AP3D1: variants seen among roughly 807,000 people sequenced by gnomAD.
AP3D1 encodes AP-3 complex subunit delta-1.
Under a neutral mutation model 147.6 loss-of-function variants are expected in AP3D1, and 51 were observed. The observed-to-expected ratio is 0.35, with a 90% CI of 0.28 to 0.44. AP3D1 has a LOEUF of 0.44. Ranked by LOEUF, AP3D1 falls within the 20% of genes least tolerant of loss-of-function variation. AP3D1 has a pLI of 1.00. For synonymous variants in AP3D1, 760 were observed against 663.0 expected, an observed-to-expected ratio of 1.15 and a Z score of -2.25; for missense variants, 1,421 against 1,624.2, an observed-to-expected ratio of 0.87 and a Z score of 2.15.
intron 8 of AP3D1, among the ~76,000 whole-genome samples, chr19:2,127,752 C>G (rs1377317658): frequency 6.6e-6 from 1 of 152,238 alleles, no homozygotes; most frequent in Non-Finnish European, 1.5e-5. Flanking sequence ...GTCTTGAACT[C>G]CTGACCTCAA....
chr19:2,129,268 G>C, intron 7 of AP3D1, 50 bp downstream of exon 7: 1 of 1,613,544 alleles, frequency 6.2e-7, no homozygotes, highest in African/African-American at 1.3e-5. Flanking sequence ...CACAGGGTGA[G>C]GGAATGCCCC....
chr19:2,142,161 G>A (rs567406874), intron 1 of AP3D1, among the ~76,000 whole-genome samples: 19 of 152,022 alleles, frequency 1.2e-4, no homozygotes, highest in African/African-American at 4.6e-4. Flanking sequence ...GGGGTTACAA[G>A]CAGGTACTAC....
In AP3D1 at chr19:2,121,167, C is replaced by T. The variant is rs772939299; in HGVS notation, c.1246G>A (p.Glu416Lys). Residue 416 changes from glutamate to lysine, a missense_variant, in exon 13 of 32, where the codon GAG (glutamate) becomes AAG (lysine). This residue lies in a region of AP3D1 where 310 missense variants were observed against 388.1 expected (regional missense o/e 0.80). Transcript: ENST00000643116. ...ACCCCTGGGAGCGGGACGCACCACT[C>T]GAAGTTGGTGATGTACTGGTAGTTG... ...QSNYQYITNF[E>K]WYISILVELT... 4.8e-5 allele frequency: 77 copies of T among 1,614,018 alleles called. No individual in the cohort carries two copies. Among genetic ancestry groups the T allele is most frequent in the East Asian group, 6.7e-5 (3 of 44,900 alleles).
chr19:2,133,749 G>C (rs1371138533), intron 4 of AP3D1, among the ~76,000 whole-genome samples: 1 of 151,734 alleles, frequency 6.6e-6, no homozygotes, highest in Non-Finnish European at 1.5e-5. Context: ...TGATCCGCCC[G>C]CCATGGCCTC....
chr19:2,117,676 G>C (rs1411126704), intron 15 of AP3D1, among the ~76,000 whole-genome samples: 1 of 152,254 alleles, frequency 6.6e-6, no homozygotes, highest in Non-Finnish European at 1.5e-5. Flanking sequence ...GGCCCCCGCG[G>C]GCTCCCCGCC....
intron 1 of AP3D1, among the ~76,000 whole-genome samples, chr19:2,148,556 G>A (rs1297287233): frequency 1.3e-5 from 2 of 152,194 alleles, no homozygotes; most frequent in African/African-American, 4.8e-5. Flanking sequence ...CAGTGAACTA[G>A]ACAACCTCAG....
intron 9 of AP3D1, among the ~76,000 whole-genome samples, chr19:2,125,462 C>T (rs1331454691): frequency 2.6e-5 from 4 of 152,078 alleles, no homozygotes; most frequent in African/African-American, 7.2e-5. Context: ...ATTACAGGCG[C>T]CCGACACCAA....
chr19:2,154,274 G>GT (rs1253777784), upstream of AP3D1, among the ~76,000 whole-genome samples: 5 of 126,020 alleles, frequency 4.0e-5, no homozygotes, highest in Admixed American at 4.0e-4. Context: ...ATTTATTTAT[G>GT]GTTTTTTTTT....
intron 17 of AP3D1, among the ~76,000 whole-genome samples, 160 bp downstream of exon 17, chr19:2,116,445 T>C (rs1422021987): frequency 6.6e-6 from 1 of 152,148 alleles, no homozygotes; most frequent in Non-Finnish European, 1.5e-5. Flanking sequence ...GAGCACGTAT[T>C]GGGGGAAAAG....
chr19:2,117,780 C>T (rs915777523), intron 15 of AP3D1, among the ~76,000 whole-genome samples: 4 of 152,242 alleles, frequency 2.6e-5, no homozygotes, highest in African/African-American at 9.6e-5. Context: ...CTAATGCCAC[C>T]GCACAGAGGA....
intron 4 of AP3D1, among the ~76,000 whole-genome samples, chr19:2,134,059 C>G (rs1303250651): frequency 6.6e-6 from 1 of 151,712 alleles, no homozygotes; most frequent in Non-Finnish European, 1.5e-5. Context: ...AGTGAGCCGA[C>G]ATTGTACTCC....
In AP3D1 at chr19:2,113,431, G is replaced by A; in HGVS notation, c.2602-18C>T. ...TCCTCAGCCTGAAACCACAAGACAG[G>A]CTGTCAGCAAACGCAGTGCAATGGT... On this transcript the variant is annotated intron_variant, in intron 22 of 31. Transcript: ENST00000643116. 6.9e-7 allele frequency: 1 copy of A among 1,443,300 alleles called. No individual in the cohort carries two copies. Among genetic ancestry groups the A allele is most frequent in the East Asian group, 2.7e-5 (1 of 37,502 alleles). 89.4% of individuals were successfully genotyped at this position (1,443,300 alleles called of 1,614,324 possible).
intron 17 of AP3D1, 44 bp downstream of exon 17, chr19:2,116,561 G>A (rs1290641048): frequency 1.3e-6 from 2 of 1,527,534 alleles, no homozygotes; most frequent in Non-Finnish European, 8.8e-7. Context: ...CCCTGGGACA[G>A]GAGGGAGGAG....
In AP3D1 at chr19:2,141,992, ATTT is replaced by A. The variant is rs930344230; in HGVS notation, c.97-3281_97-3279del. Among the ~76,000 whole-genome samples the A allele has an allele frequency of 2.2e-3, 333 of 149,902 alleles. 1 individual carries two copies. The highest frequency in any genetic ancestry group is 7.9e-3 in the African/African-American group (322 of 40,798). On this transcript the variant is annotated intron_variant, in intron 1 of 31. Coordinates refer to ENST00000643116, the MANE Select transcript of AP3D1 (RefSeq NM_001261826.3). ...TATATACTTGTTTACATATATATAC[ATTT>A]ATTTACATATATGTTTATTTATATA...
chr19:2,114,899 G>A, intron 20 of AP3D1, 78 bp from the exon 21 acceptor site: 3 of 1,498,100 alleles, frequency 2.0e-6, no homozygotes, highest in Non-Finnish European at 2.8e-6. Context: ...GGGACGCAGT[G>A]GGACTGCCCA....
chr19:2,146,607 C>CAAAAAA (rs397859951), intron 1 of AP3D1, among the ~76,000 whole-genome samples: 1 of 66,662 alleles, frequency 1.5e-5, no homozygotes, highest in African/African-American at 5.3e-5. Flanking sequence ...GACCCTGTCT[C>CAAAAAA]AAAAAAAAAA....
At chr19:2,120,454 C>T (rs775274239) in intron 14 of AP3D1, among the ~76,000 whole-genome samples, 4 of 152,192 alleles carry the variant, frequency 2.6e-5, no homozygotes, top group Non-Finnish European at 5.9e-5. Context: ...CACCTAACTG[C>T]CACACGGAGC....
At chr19:2,103,573 G>A (rs1263561156) in intron 31 of AP3D1, among the ~76,000 whole-genome samples, 1 of 152,196 alleles carries the variant, frequency 6.6e-6, no homozygotes, top group East Asian at 1.9e-4. Flanking sequence ...GTTCCAAAGA[G>A]CAACCGAAGG....
In AP3D1 at chr19:2,102,128, C is replaced by G. The variant is rs773737553; in HGVS notation, c.*45G>C. 2.5e-5 allele frequency: 38 copies of G among 1,518,658 alleles called. No individual in the cohort carries two copies. Among genetic ancestry groups the G allele is most frequent in the Non-Finnish European group, 1.8e-6 (2 of 1,096,638 alleles). 94.1% of individuals were successfully genotyped at this position (1,518,658 alleles called of 1,614,324 possible). ...GCGAGACACGTCAGGGCTGCGGTCC[C>G]TGGGTACGTGCTCCGCGGGGTGGTG... On this transcript the variant is annotated 3_prime_UTR_variant, in exon 32 of 32. Transcript: ENST00000643116.
Sources: allele counts gnomAD v4.1 joint callset (sites outside exome capture counted in the v4.1 genomes callset), GRCh38; gene constraint gnomAD v4.1.1; regional missense constraint gnomAD v4.1.1; transcripts MANE v1.5; gene names NCBI Gene and HGNC (gene_info 2026-07-23, HGNC 2026-07-21).